Variants in FLNB observed in about 807,000 individuals in gnomAD.
FLNB encodes filamin-B.
FLNB carries 111 observed loss-of-function variants against 250.6 expected under a neutral mutation model. The observed-to-expected ratio is 0.44, with a 90% CI of 0.38 to 0.52. The LOEUF (loss-of-function observed/expected upper bound fraction) is 0.52, where lower values mean the gene tolerates loss of function less well. FLNB is among the 20% of genes least tolerant of loss of function. The pLI, the probability that FLNB is intolerant of heterozygous loss-of-function variation, is 0.00. For missense variants in FLNB, 2,869 were observed against 3,447.8 expected, an observed-to-expected ratio of 0.83 and a Z score of 4.20; for synonymous variants, 1,302 against 1,372.1, an observed-to-expected ratio of 0.95 and a Z score of 1.13.
At chr3:58,134,591 GGTGT>G (rs151085835) in intron 26 of FLNB, 21 bp from the exon 27 acceptor site, 2 of 1,564,806 alleles carry the variant, frequency 1.3e-6, no homozygotes, top group Non-Finnish European at 1.8e-6. Context: ...TATTGACTAG[GGTGT>G]GTGTGTGTGT....
intron 12 of FLNB, among the ~76,000 whole-genome samples, 169 bp downstream of exon 12, chr3:58,107,042 T>C (rs550199047): frequency 1.3e-5 from 2 of 152,268 alleles, no homozygotes; most frequent in African/African-American, 2.4e-5. Flanking sequence ...TTTGTTTGTT[T>C]GTTTTGAGAC....
At chr3:58,032,483 G>C (rs2097132401) in intron 1 of FLNB, among the ~76,000 whole-genome samples, 1 of 152,222 alleles carries the variant, frequency 6.6e-6, no homozygotes. Flanking sequence ...GCCTCTGGGA[G>C]CGTCCAGTCA....
At chr3:58,029,279 T>G (rs901262463) in intron 1 of FLNB, among the ~76,000 whole-genome samples, 2 of 152,116 alleles carry the variant, frequency 1.3e-5, no homozygotes, top group African/African-American at 2.4e-5. Flanking sequence ...ACACTCATAT[T>G]TCCCCCCTCA....
At chr3:58,161,342 G>A (rs1209914141) in intron 42 of FLNB, among the ~76,000 whole-genome samples, 5 of 152,116 alleles carry the variant, frequency 3.3e-5, no homozygotes, top group Admixed American at 2.6e-4. Flanking sequence ...GATTGGTCAG[G>A]GCCTTAAAGG....
intron 4 of FLNB, among the ~76,000 whole-genome samples, chr3:58,088,310 A>C (rs1168153496): frequency 6.6e-6 from 1 of 152,138 alleles, no homozygotes; most frequent in Non-Finnish European, 1.5e-5. Context: ...GGCCTCCCAA[A>C]TTGCTGGAAT....
chr3:58,139,579 A>G (rs2097322876), intron 29 of FLNB, among the ~76,000 whole-genome samples: 1 of 152,270 alleles, frequency 6.6e-6, no homozygotes, highest in Non-Finnish European at 1.5e-5. Context: ...TGTAAACAGC[A>G]TGCCAGAGAT....
At position 58,096,321 on chromosome 3, in the gene FLNB, C is replaced by A; in HGVS notation, c.984+103C>A. 3.5e-6 allele frequency: 3 copies of A among 860,962 alleles called. No homozygotes were observed. In the South Asian group the frequency reaches 4.3e-5, roughly 12 times the overall value. 53.3% of individuals were successfully genotyped at this position (860,962 alleles called of 1,614,324 possible). A position where few individuals can be genotyped will look rare whatever the true frequency, so the allele number is the denominator to read the frequency against. ...TTTTCTTAAGTGAATTTCTGATTTT[C>A]CTTTCTGATTATAGAAGGATCTATG... On this transcript the variant is annotated intron_variant, in intron 6 of 45. Coordinates refer to ENST00000295956, the MANE Select transcript of FLNB (RefSeq NM_001457.4).
Position 58,102,259 on chromosome 3 carries a change from C to T in FLNB, c.1402C>T (p.Arg468Cys), listed in dbSNP as rs139664696. ...SGRGLQPKGV[R>C]IRETTDFKVD... ...CCGAGGCCTACAACCCAAAGGCGTCCGTATCCGGGAGACCACAGATTTCAA... is the reference window on the plus strand; with the variant it reads ...CCGAGGCCTACAACCCAAAGGCGTCTGTATCCGGGAGACCACAGATTTCAA... The change falls in exon 9 of 46, where the codon CGT (arginine) becomes TGT (cysteine). Residue 468 changes from arginine to cysteine, a missense_variant. Physicochemically the swap from Arg to Cys is radical, Grantham distance 180 (BLOSUM62 -3). This residue lies in a region of FLNB where 1,348 missense variants were observed against 1,466.7 expected (regional missense o/e 0.92). Coordinates refer to ENST00000295956, the MANE Select transcript of FLNB (RefSeq NM_001457.4). 155 of 1,614,210 alleles carry T rather than the reference C, an allele frequency of 9.6e-5. No homozygotes were observed. Among genetic ancestry groups the T allele is most frequent in the East Asian group, 3.3e-4 (15 of 44,892 alleles).
At chr3:58,063,612 C>T (rs1256997378) in intron 1 of FLNB, among the ~76,000 whole-genome samples, 7 of 152,226 alleles carry the variant, frequency 4.6e-5, no homozygotes, top group East Asian at 1.9e-4. Flanking sequence ...TCAGAGCCAG[C>T]GGTTATAAAT....
chr3:58,061,836 A>G (rs2097179099), intron 1 of FLNB, among the ~76,000 whole-genome samples: 1 of 151,442 alleles, frequency 6.6e-6, no homozygotes, highest in Admixed American at 6.6e-5. Flanking sequence ...TCATGCCTGT[A>G]ATCCCAGCAC....
intron 30 of FLNB, 56 bp downstream of exon 30, chr3:58,141,985 A>C: frequency 6.8e-7 from 1 of 1,475,868 alleles, no homozygotes; most frequent in Non-Finnish European, 9.5e-7. Flanking sequence ...CCTTCATTTC[A>C]GAAAATCTGC....
intron 1 of FLNB, among the ~76,000 whole-genome samples, chr3:58,046,166 G>A (rs2106820806): frequency 6.6e-6 from 1 of 152,154 alleles, no homozygotes; most frequent in South Asian, 2.1e-4. Context: ...AGTGAGTTGT[G>A]GTAGCTGGGC....
intron 21 of FLNB, among the ~76,000 whole-genome samples, chr3:58,123,917 C>T (rs1304836563): frequency 6.6e-6 from 1 of 152,090 alleles, no homozygotes; most frequent in Non-Finnish European, 1.5e-5. Context: ...TCTGTTTCTC[C>T]ATGGGGAACA....
At chr3:58,145,755 G>T (rs564340858) in intron 32 of FLNB, among the ~76,000 whole-genome samples, 166 bp from the exon 33 acceptor site, 1 of 152,174 alleles carries the variant, frequency 6.6e-6, no homozygotes, top group African/African-American at 2.4e-5. Flanking sequence ...GATGTCCTAG[G>T]ATGGCGGGGG....
intron 18 of FLNB, among the ~76,000 whole-genome samples, chr3:58,115,079 A>C (rs1472482115): frequency 6.6e-6 from 1 of 152,208 alleles, no homozygotes; most frequent in African/African-American, 2.4e-5. Flanking sequence ...CCTGTGCTTT[A>C]AAATAAAAAA....
chr3:58,145,886 A>T (rs762186046), intron 32 of FLNB, 35 bp from the exon 33 acceptor site: 1 of 1,613,808 alleles, frequency 6.2e-7, no homozygotes, highest in Non-Finnish European at 8.5e-7. Context: ...CCCCTTAATG[A>T]GCACCAATTT....
At chr3:58,105,468 G>T (rs149463494) in intron 11 of FLNB, among the ~76,000 whole-genome samples, 8 of 152,330 alleles carry the variant, frequency 5.3e-5, no homozygotes, top group Middle Eastern at 3.4e-3. Flanking sequence ...TGCTTGGAAC[G>T]TAGTAAACAC....
intron 1 of FLNB, among the ~76,000 whole-genome samples, chr3:58,074,427 T>G (rs1008679153): frequency 6.6e-6 from 1 of 152,102 alleles, no homozygotes; most frequent in African/African-American, 2.4e-5. Flanking sequence ...CAAAATCAGA[T>G]TATCCTCCCC....
chr3:58,100,364 T>TAAAAAAAA (rs1553696183), intron 8 of FLNB, among the ~76,000 whole-genome samples: 1 of 25,524 alleles, frequency 3.9e-5, no homozygotes, highest in African/African-American at 3.8e-4. Flanking sequence ...TTTACATATG[T>TAAAAAAAA]AAAAAAAAAA....
Sources: gnomAD v4.1 joint callset for allele counts (sites outside exome capture counted in the v4.1 genomes callset) on GRCh38, gnomAD v4.1.1 for gene constraint, gnomAD v4.1.1 regional missense constraint, MANE v1.5 for transcripts, NCBI Gene and HGNC (gene_info 2026-07-23, HGNC 2026-07-21) for gene names.